Variants in GPC5 observed in about 807,000 individuals in gnomAD.
GPC5 encodes the protein glypican-5.
GPC5 carries 47 observed loss-of-function variants against 53.9 expected under a neutral mutation model. The ratio of observed to expected loss-of-function variants is 0.87; its 90% CI spans 0.69 to 1.11. The LOEUF is 1.11. GPC5 is among the 50% of genes most tolerant of loss of function. The probability of loss-of-function intolerance (pLI) is 0.00; values close to 1 mark genes in which losing one functional copy is unlikely to be tolerated. For synonymous variants in GPC5, 286 were observed against 263.3 expected (o/e 1.09, Z -0.84); for missense variants, 748 against 713.1 (o/e 1.05, Z -0.56).
chr13:91,479,307 A>G (rs1883179240), intron 2 of GPC5, among the ~76,000 whole-genome samples: 1 of 152,178 alleles, frequency 6.6e-6, no homozygotes, highest in South Asian at 2.1e-4. Context: ...ATCATGTCAC[A>G]AAAGCATCTA....
intron 2 of GPC5, among the ~76,000 whole-genome samples, chr13:91,541,965 A>G (rs929022705): frequency 1.3e-5 from 2 of 151,072 alleles, no homozygotes; most frequent in Non-Finnish European, 3.0e-5. Flanking sequence ...TTTAGTCAGG[A>G]ATAGGTGCTG....
chr13:92,700,293 G>T (rs1162392716), intron 7 of GPC5, among the ~76,000 whole-genome samples: 1 of 128,966 alleles, frequency 7.8e-6, no homozygotes, highest in Non-Finnish European at 1.6e-5. Context: ...CATTTGCTTG[G>T]TAAATATTCC....
At chr13:92,477,211 T>G (rs1172759708) in intron 7 of GPC5, among the ~76,000 whole-genome samples, 1 of 152,060 alleles carries the variant, frequency 6.6e-6, no homozygotes, top group East Asian at 1.9e-4. Context: ...TATATCTGAG[T>G]AAACAAAAGT....
intron 5 of GPC5, among the ~76,000 whole-genome samples, chr13:91,805,533 T>C (rs1300389822): frequency 6.6e-6 from 1 of 152,208 alleles, no homozygotes; most frequent in Non-Finnish European, 1.5e-5. Flanking sequence ...AAGACGTGTA[T>C]ATTAATGAAA....
chr13:92,596,038 AG>A (rs1261425299), intron 7 of GPC5, among the ~76,000 whole-genome samples: 1 of 152,154 alleles, frequency 6.6e-6, no homozygotes, highest in Non-Finnish European at 1.5e-5. Context: ...CTTGTTTCTA[AG>A]TGTATACATG....
intron 7 of GPC5, among the ~76,000 whole-genome samples, chr13:92,712,835 C>T (rs186718539): frequency 5.5e-4 from 84 of 152,194 alleles, no homozygotes; most frequent in Admixed American, 4.1e-3. Flanking sequence ...TGACTGGTGT[C>T]CTTATAAGAA....
intron 2 of GPC5, among the ~76,000 whole-genome samples, chr13:91,590,658 A>C (rs1336216): frequency 0.97 from 146,964 of 152,250 alleles, 71,146 homozygotes; most frequent in East Asian, 1. Flanking sequence ...TGAATGTATG[A>C]ATTTCCACAC....
chr13:91,750,776 C>T (rs1340794799), intron 4 of GPC5, among the ~76,000 whole-genome samples: 1 of 149,912 alleles, frequency 6.7e-6, no homozygotes, highest in African/African-American at 2.5e-5. Flanking sequence ...TGCCTCCCGG[C>T]CTCAGCCTCC....
At chr13:92,757,860 A>C (rs1874963622) in intron 7 of GPC5, among the ~76,000 whole-genome samples, 1 of 151,754 alleles carries the variant, frequency 6.6e-6, no homozygotes, top group African/African-American at 2.4e-5. Flanking sequence ...GTGGAGAAAT[A>C]GGAACACTTT....
chr13:92,866,202 C>A, intron 7 of GPC5, 80 bp from the exon 8 acceptor site: 1 of 1,277,522 alleles, frequency 7.8e-7, no homozygotes, highest in Non-Finnish European at 1.1e-6. Context: ...GCTGTCCACA[C>A]TTTGAGTTTA....
intron 2 of GPC5, among the ~76,000 whole-genome samples, chr13:91,687,222 A>G (rs2035642730): frequency 6.6e-6 from 1 of 151,972 alleles, no homozygotes; most frequent in African/African-American, 2.4e-5. Flanking sequence ...CTCTCATTAC[A>G]AAAAGCCACC....
chr13:92,665,554 A>T (rs1466653246), intron 7 of GPC5, among the ~76,000 whole-genome samples: 1 of 152,146 alleles, frequency 6.6e-6, no homozygotes, highest in Non-Finnish European at 1.5e-5. Context: ...TACAGGATTG[A>T]TTTTGAGTTC....
At chr13:92,107,509 CTG>C (rs751785886) in intron 6 of GPC5, among the ~76,000 whole-genome samples, 10 of 152,048 alleles carry the variant, frequency 6.6e-5, no homozygotes, top group Non-Finnish European at 7.4e-5. Context: ...TTTTAAAAAA[CTG>C]TGCATATTAC....
intron 7 of GPC5, among the ~76,000 whole-genome samples, chr13:92,810,349 A>C (rs1324412954): frequency 2.0e-5 from 3 of 151,940 alleles, no homozygotes; most frequent in African/African-American, 7.3e-5. Flanking sequence ...CTTAACATAA[A>C]AATTACTTCA....
intron 2 of GPC5, among the ~76,000 whole-genome samples, chr13:91,663,413 T>C (rs147301890): frequency 1.3e-5 from 2 of 152,322 alleles, no homozygotes; most frequent in African/African-American, 4.8e-5. Flanking sequence ...ATTATTCTTA[T>C]ATTTTAGCCT....
chr13:92,260,363 A>G (rs74818990), intron 7 of GPC5, among the ~76,000 whole-genome samples: 2 of 152,294 alleles, frequency 1.3e-5, no homozygotes, highest in East Asian at 1.9e-4. Context: ...AGCATCTCTC[A>G]TCTTCATTCC....
At chr13:91,689,214 T>TATAC (rs2035696308) in intron 2 of GPC5, among the ~76,000 whole-genome samples, 2 of 122,092 alleles carry the variant, frequency 1.6e-5, no homozygotes, top group Non-Finnish European at 3.3e-5. Flanking sequence ...TATATATATA[T>TATAC]ATATATATAT....
intron 2 of GPC5, among the ~76,000 whole-genome samples, chr13:91,582,602 G>A (rs546045186): frequency 4.6e-5 from 7 of 152,256 alleles, no homozygotes; most frequent in South Asian, 4.1e-4. Context: ...TTTTGGCAAT[G>A]TAAGTTAGAT....
At chr13:92,526,426 C>A (rs1233646019) in intron 7 of GPC5, among the ~76,000 whole-genome samples, 3 of 152,002 alleles carry the variant, frequency 2.0e-5, no homozygotes, top group Non-Finnish European at 2.9e-5. Context: ...ATTTGAAAAA[C>A]AGAAATAAGT....
Sources: allele counts gnomAD v4.1 joint callset (sites outside exome capture counted in the v4.1 genomes callset), GRCh38; gene constraint gnomAD v4.1.1; transcripts MANE v1.5; gene names NCBI Gene and HGNC (gene_info 2026-07-23, HGNC 2026-07-21).